The following PHLDB2 variants were observed in gnomAD, a reference collection of about 807,000 sequenced individuals.
PHLDB2 encodes pleckstrin homology-like domain family B member 2.
PHLDB2 carries 71 observed loss-of-function variants against 123.6 expected under a neutral mutation model. The ratio of observed to expected loss-of-function variants is 0.57; its 90% confidence interval spans 0.47 to 0.70. PHLDB2 has a LOEUF of 0.70. PHLDB2 is among the 30% of genes least tolerant of loss of function. The pLI, the probability that PHLDB2 is intolerant of heterozygous loss-of-function variation, is 0.00. For synonymous variants in PHLDB2, 547 were observed against 541.6 expected (o/e 1.01, Z -0.14); for missense variants, 1,446 against 1,519.5 (o/e 0.95, Z 0.80).
At chr3:111,828,609 G>A (rs2062781894) in intron 1 of PHLDB2, among the ~76,000 whole-genome samples, 1 of 152,094 alleles carries the variant, frequency 6.6e-6, no homozygotes, top group African/African-American at 2.4e-5. Context: ...TGACAACACA[G>A]GGAGACCCTG....
At chr3:111,966,527 G>GGGGT (rs869085197) in intron 13 of PHLDB2, 86 bp from the exon 14 acceptor site, 13,984 of 617,520 alleles carry the variant, frequency 0.023, 81 homozygotes, top group Non-Finnish European at 0.026. Context: ...GTGTGTCTGG[G>GGGGT]GTGTGTGTGT....
intron 1 of PHLDB2, among the ~76,000 whole-genome samples, chr3:111,878,053 A>G (rs936843571): frequency 3.3e-5 from 5 of 152,130 alleles, no homozygotes; most frequent in South Asian, 2.1e-4. Flanking sequence ...TTGGTTCCAT[A>G]TGAAATTTAA....
At chr3:111,848,391 A>C (rs1282970) in intron 2 of PHLDB2, among the ~76,000 whole-genome samples, 109,618 of 152,036 alleles carry the variant, frequency 0.72, 39,819 homozygotes, top group Middle Eastern at 0.85. Flanking sequence ...CTTCTGCAGG[A>C]CAAAACTAGC....
chr3:111,894,965 G>C (rs1047970347), intron 2 of PHLDB2, among the ~76,000 whole-genome samples: 1 of 150,676 alleles, frequency 6.6e-6, no homozygotes, highest in African/African-American at 2.4e-5. Context: ...TGTATGTGTG[G>C]GTCTGTATGT....
At chr3:111,853,827 G>A (rs1460508179) in intron 2 of PHLDB2, among the ~76,000 whole-genome samples, 5 of 151,882 alleles carry the variant, frequency 3.3e-5, no homozygotes, top group African/African-American at 9.7e-5. Context: ...AGCCAAGATC[G>A]TGCCATTGCA....
chr3:111,924,175 A>G (rs975844228), intron 5 of PHLDB2, among the ~76,000 whole-genome samples: 1 of 152,256 alleles, frequency 6.6e-6, no homozygotes, highest in African/African-American at 2.4e-5. Context: ...TTCAGGGCTC[A>G]AGATCAGTGT....
chr3:111,764,104 T>A (rs958737133), intron 1 of PHLDB2, among the ~76,000 whole-genome samples: 9 of 152,190 alleles, frequency 5.9e-5, no homozygotes, highest in Admixed American at 5.2e-4. Flanking sequence ...GTGTGACCTT[T>A]GACAAGCTAT....
intron 1 of PHLDB2, among the ~76,000 whole-genome samples, chr3:111,821,090 T>C (rs1294306305): frequency 6.6e-6 from 1 of 152,198 alleles, no homozygotes; most frequent in Non-Finnish European, 1.5e-5. Context: ...GTGGGTTCCA[T>C]GTCAGGGTCC....
At chr3:111,744,466 G>A (rs182972283) in intron 1 of PHLDB2, among the ~76,000 whole-genome samples, 16 of 152,210 alleles carry the variant, frequency 1.1e-4, no homozygotes, top group East Asian at 1.9e-4. Flanking sequence ...CAATAATAGC[G>A]CAGTGCATAA....
intron 3 of PHLDB2, 49 bp from the exon 4 acceptor site, chr3:111,919,023 T>C: frequency 6.3e-7 from 1 of 1,595,128 alleles, no homozygotes; most frequent in Non-Finnish European, 8.6e-7. Flanking sequence ...AGTTGGGAAA[T>C]TCTAGAACTG....
chr3:111,960,032 T>C (rs2071300724), intron 12 of PHLDB2: 1 of 273,784 alleles, frequency 3.7e-6, no homozygotes, highest in Non-Finnish European at 5.6e-6. Flanking sequence ...AACTTTTCTA[T>C]GCCACAAGCC....
intron 5 of PHLDB2, among the ~76,000 whole-genome samples, chr3:111,923,267 G>C (rs2068625030): frequency 6.6e-6 from 1 of 152,122 alleles, no homozygotes; most frequent in Admixed American, 6.5e-5. Context: ...GTCCCCTCAT[G>C]ATCAGACTCC....
intron 1 of PHLDB2, among the ~76,000 whole-genome samples, chr3:111,753,978 C>T (rs1282819435): frequency 6.6e-6 from 1 of 152,126 alleles, no homozygotes; most frequent in East Asian, 1.9e-4. Flanking sequence ...AGTGTTATTT[C>T]TGAGGGCTCT....
intron 14 of PHLDB2, among the ~76,000 whole-genome samples, chr3:111,967,334 G>A (rs138226246): frequency 2.0e-5 from 3 of 152,320 alleles, no homozygotes; most frequent in South Asian, 4.1e-4. Context: ...GCTAAATCAC[G>A]TGATAAGTGC....
chr3:111,831,635 T>C (rs1481424996), intron 1 of PHLDB2, among the ~76,000 whole-genome samples: 3 of 152,174 alleles, frequency 2.0e-5, no homozygotes, highest in Non-Finnish European at 4.4e-5. Context: ...AAGACCAAGT[T>C]TGAATACCTG....
At chr3:111,914,999 C>T (rs2068090715) in intron 3 of PHLDB2, 1 of 151,694 alleles carries the variant, frequency 6.6e-6, no homozygotes, top group African/African-American at 2.4e-5. Flanking sequence ...TTTGAAGGAG[C>T]TTACAATGAA....
intron 1 of PHLDB2, among the ~76,000 whole-genome samples, chr3:111,820,444 C>T (rs996423313): frequency 6.6e-6 from 1 of 152,182 alleles, no homozygotes; most frequent in Non-Finnish European, 1.5e-5. Context: ...AGTGGAAACA[C>T]TATAGTGATG....
chr3:111,812,079 T>C (rs1201070316), intron 1 of PHLDB2, among the ~76,000 whole-genome samples: 1 of 152,194 alleles, frequency 6.6e-6, no homozygotes, highest in Non-Finnish European at 1.5e-5. Context: ...AGTATTTAGA[T>C]TAAAGAAAAG....
chr3:111,902,793 C>T (rs1422091493), intron 2 of PHLDB2, among the ~76,000 whole-genome samples: 1 of 152,120 alleles, frequency 6.6e-6, no homozygotes, highest in Non-Finnish European at 1.5e-5. Context: ...CGTGAGCCAC[C>T]ATGCTCAGCT....
Sources: allele counts gnomAD v4.1 joint callset (sites outside exome capture counted in the v4.1 genomes callset), GRCh38; gene constraint gnomAD v4.1.1; transcripts MANE v1.5; gene names NCBI Gene and HGNC (gene_info 2026-07-23, HGNC 2026-07-21).